Variants in MACROD2 observed in about 807,000 individuals in gnomAD.
MACROD2 encodes ADP-ribose glycohydrolase MACROD2.
A neutral mutation model predicts 70.4 loss-of-function variants in MACROD2; 36 were observed. That is an observed-to-expected ratio of 0.51 (90% CI 0.39 to 0.68). The LOEUF (loss-of-function observed/expected upper bound fraction) is 0.68, where lower values mean the gene tolerates loss of function less well. MACROD2 is among the 30% of genes least tolerant of loss of function. The probability of loss-of-function intolerance (pLI) is 0.00; values close to 1 mark genes in which losing one functional copy is unlikely to be tolerated. For missense variants in MACROD2, 496 were observed against 538.4 expected, an observed-to-expected ratio of 0.92 and a Z score of 0.78; for synonymous variants, 172 against 178.8, an observed-to-expected ratio of 0.96 and a Z score of 0.30.
intron 8 of MACROD2, among the ~76,000 whole-genome samples, chr20:15,856,360 A>G (rs150742634): frequency 6.6e-6 from 1 of 152,342 alleles, no homozygotes; most frequent in Non-Finnish European, 1.5e-5. Context: ...ATAAGATGTC[A>G]GTTGGTGACA....
At chr20:14,923,795 A>AGGGGG (rs1324301547) in intron 5 of MACROD2, among the ~76,000 whole-genome samples, 1 of 2,534 alleles carries the variant, frequency 3.9e-4, no homozygotes, top group Non-Finnish European at 8.1e-4. Context: ...GCGTTGGGGG[A>AGGGGG]GGGGGGGGCG....
chr20:15,101,534 CAAAAA>C lies in MACROD2; in HGVS notation c.419-128396_419-128392del, dbSNP rs6147300. Among the ~76,000 whole-genome samples, 3 of 88,916 alleles carry C rather than the reference CAAAAA, an allele frequency of 3.4e-5. No individual in the cohort carries two copies. The Admixed American group carries it at 4.2e-4, about 12-fold the overall frequency. The allele number at this position is 88,916 out of a possible 152,430, so 58.3% of individuals were successfully genotyped here. A position where few individuals can be genotyped will look rare whatever the true frequency, so the allele number is the denominator to read the frequency against. ...AGCACAGATAACCCAGGTGTTGGTTCAAAAAAAAAAAAAAGCATTCTGGAGTAATT... is the reference window on the plus strand; with the variant it reads ...AGCACAGATAACCCAGGTGTTGGTTCAAAAAAAAAGCATTCTGGAGTAATT... On this transcript the variant is annotated intron_variant, in intron 5 of 17. Transcript: ENST00000684519.
intron 8 of MACROD2, among the ~76,000 whole-genome samples, chr20:15,524,728 C>T (rs1431322103): frequency 6.6e-6 from 1 of 152,200 alleles, no homozygotes; most frequent in Non-Finnish European, 1.5e-5. Flanking sequence ...CACTTTATCT[C>T]TCTGCACTAT....
intron 2 of MACROD2, among the ~76,000 whole-genome samples, chr20:14,066,414 G>C (rs2053757943): frequency 6.6e-6 from 1 of 152,144 alleles, no homozygotes; most frequent in African/African-American, 2.4e-5. Context: ...AATGTTCACT[G>C]TTTGGTATTT....
intron 6 of MACROD2, among the ~76,000 whole-genome samples, chr20:15,306,993 G>A (rs960290345): frequency 3.9e-5 from 6 of 152,220 alleles, no homozygotes; most frequent in Non-Finnish European, 5.9e-5. Context: ...ATGTCACATC[G>A]TGAGAGAGGG....
At chr20:14,064,922 A>G (rs1035402270) in intron 2 of MACROD2, among the ~76,000 whole-genome samples, 1 of 152,246 alleles carries the variant, frequency 6.6e-6, no homozygotes, top group African/African-American at 2.4e-5. Flanking sequence ...ATTAGAAACT[A>G]CTTTCACATC....
intron 5 of MACROD2, among the ~76,000 whole-genome samples, chr20:14,927,703 G>A (rs1284547238): frequency 6.6e-6 from 1 of 152,182 alleles, no homozygotes; most frequent in African/African-American, 2.4e-5. Context: ...TGTTGGAATA[G>A]ATGCTGGTTG....
intron 8 of MACROD2, among the ~76,000 whole-genome samples, chr20:15,814,394 C>T (rs2147092754): frequency 6.6e-6 from 1 of 152,298 alleles, no homozygotes; most frequent in South Asian, 2.1e-4. Context: ...AGCTCCCCTC[C>T]TCTTGGCTGC....
At chr20:15,992,631 C>G (rs6080077) in intron 15 of MACROD2, among the ~76,000 whole-genome samples, 1 of 152,204 alleles carries the variant, frequency 6.6e-6, no homozygotes, top group Non-Finnish European at 1.5e-5. Flanking sequence ...CTCCAGCATC[C>G]GGCTACATCC....
At chr20:15,416,014 G>A (rs1306656870) in intron 6 of MACROD2, among the ~76,000 whole-genome samples, 1 of 152,176 alleles carries the variant, frequency 6.6e-6, no homozygotes, top group African/African-American at 2.4e-5. Flanking sequence ...CCAGCTGCTT[G>A]CTCCCCTCCT....
chr20:15,482,552 CA>C (rs1279924928), intron 7 of MACROD2, among the ~76,000 whole-genome samples: 2 of 152,144 alleles, frequency 1.3e-5, no homozygotes, highest in African/African-American at 4.8e-5. Flanking sequence ...TCTAACCCTT[CA>C]AAGGGGGTAA....
chr20:14,148,368 A>G (rs987615987), intron 3 of MACROD2, among the ~76,000 whole-genome samples: 1 of 152,234 alleles, frequency 6.6e-6, no homozygotes, highest in African/African-American at 2.4e-5. Flanking sequence ...ATATCTTACC[A>G]TATTTAATAA....
At chr20:14,525,175 T>C (rs2085216875) in intron 4 of MACROD2, among the ~76,000 whole-genome samples, 1 of 152,204 alleles carries the variant, frequency 6.6e-6, no homozygotes, top group African/African-American at 2.4e-5. Context: ...GTTTATATTC[T>C]TATCTATCAG....
chr20:15,798,155 T>C lies in MACROD2; in HGVS notation c.646-64590T>C, dbSNP rs1600907280. Among the ~76,000 whole-genome samples, 4 of 152,312 alleles carry C rather than the reference T, an allele frequency of 2.6e-5. No homozygotes were observed. In the South Asian group the frequency reaches 8.3e-4, roughly 32 times the overall value. On this transcript the variant is annotated intron_variant, in intron 8 of 17. Transcript: ENST00000684519. Reference sequence around the variant, plus strand: ...CTGCATATTGTTTCAGTTATTGTGGTAGTATAGCAAATTATTCCACTTTAT... The same window carrying C: ...CTGCATATTGTTTCAGTTATTGTGGCAGTATAGCAAATTATTCCACTTTAT...
chr20:15,380,228 T>C (rs889569485), intron 6 of MACROD2, among the ~76,000 whole-genome samples: 15 of 152,174 alleles, frequency 9.9e-5, no homozygotes, highest in African/African-American at 3.6e-4. Context: ...GTGATAGATG[T>C]CTTATTCATC....
chr20:15,541,990 T>C (rs7262810), intron 8 of MACROD2, among the ~76,000 whole-genome samples: 27,432 of 152,184 alleles, frequency 0.18, 2,588 homozygotes, highest in South Asian at 0.25. Context: ...ATGGGCACTA[T>C]CTTTAGGCAG....
chr20:14,382,444 G>A (rs1170673735), intron 3 of MACROD2, among the ~76,000 whole-genome samples: 1 of 151,878 alleles, frequency 6.6e-6, no homozygotes, highest in Non-Finnish European at 1.5e-5. Context: ...TGAGGAGGGT[G>A]GATCACCTGA....
chr20:14,958,299 T>A (rs532657221), intron 5 of MACROD2, among the ~76,000 whole-genome samples: 4 of 152,308 alleles, frequency 2.6e-5, no homozygotes, highest in South Asian at 4.1e-4. Flanking sequence ...GACTATCTTT[T>A]AAGAGTGGGA....
chr20:14,130,193 TA>T (rs1287780968), intron 3 of MACROD2, among the ~76,000 whole-genome samples: 4 of 152,176 alleles, frequency 2.6e-5, no homozygotes, highest in African/African-American at 7.2e-5. Context: ...AGAAAATTGA[TA>T]AAAAATATGT....
Sources: gnomAD v4.1 joint callset for allele counts (sites outside exome capture counted in the v4.1 genomes callset) on GRCh38, gnomAD v4.1.1 for gene constraint, MANE v1.5 for transcripts, NCBI Gene and HGNC (gene_info 2026-07-23, HGNC 2026-07-21) for gene names.